The following COQ8A variants were observed in gnomAD, a reference collection of about 807,000 sequenced individuals.
COQ8A encodes the protein atypical kinase COQ8A, mitochondrial.
A neutral mutation model predicts 65.0 loss-of-function variants in COQ8A; 51 were observed. The ratio of observed to expected loss-of-function variants is 0.78; its 90% CI spans 0.63 to 0.99. COQ8A has a LOEUF of 0.99. Among genes scored for constraint, COQ8A ranks in the 50% least tolerant of loss-of-function variants. The pLI is 0.00. For missense variants in COQ8A, 940 were observed against 875.0 expected, an observed-to-expected ratio of 1.07 and a Z score of -0.94; for synonymous variants, 371 against 353.2, an observed-to-expected ratio of 1.05 and a Z score of -0.57.
In COQ8A at chr1:226,985,269, GC is replaced by G; in HGVS notation, c.1590del (p.Asp531ThrfsTer12). On this transcript the variant is annotated frameshift_variant, in exon 14 of 15. Coordinates refer to ENST00000366777, the MANE Select transcript of COQ8A (RefSeq NM_020247.5). LOFTEE classifies it high-confidence loss of function. ...CTCTCCCCAGATCATCAGGGCTGCTGCCGACAGGGACAGGGAGACTGTGCGG... is the reference window on the plus strand; with the variant it reads ...CTCTCCCCAGATCATCAGGGCTGCTGCGACAGGGACAGGGAGACTGTGCGG... Reference protein sequence around the residue: ...DLYIQIIRAAADRDRETVRAK... With the variant: ...DLYIQIIRAAXDRDRETVRAK... 3 of 1,613,700 alleles carry G rather than the reference GC, an allele frequency of 1.9e-6. No individual in the cohort carries two copies. The South Asian group carries it at 3.3e-5, about 18-fold the overall frequency.
At chr1:226,953,780 GC>G (rs1174586867) in intron 1 of COQ8A, among the ~76,000 whole-genome samples, 2 of 152,202 alleles carry the variant, frequency 1.3e-5, no homozygotes, top group Non-Finnish European at 2.9e-5. Flanking sequence ...CGAGATAGAA[GC>G]CGGGAGTTGC....
intron 5 of COQ8A, among the ~76,000 whole-genome samples, chr1:226,980,706 C>T (rs752352087): frequency 4.9e-4 from 74 of 152,374 alleles, no homozygotes; most frequent in African/African-American, 1.7e-3. Flanking sequence ...GCTAACATCT[C>T]CCACCTTCAC....
intron 4 of COQ8A, chr1:226,974,912 G>A (rs1356341508): frequency 2.0e-5 from 3 of 152,896 alleles, no homozygotes; most frequent in Non-Finnish European, 4.4e-5. Context: ...CTGATGGAGG[G>A]TGATGAGGGG....
chr1:226,962,517 G>A lies in COQ8A; in HGVS notation c.177+955G>A, dbSNP rs144755225. Among the ~76,000 whole-genome samples the A allele has an allele frequency of 2.0e-3, 299 of 152,328 alleles. 3 individuals carry two copies. The highest frequency in any genetic ancestry group is 6.7e-3 in the African/African-American group (278 of 41,568). On this transcript the variant is annotated intron_variant, in intron 2 of 14. Transcript: ENST00000366777. The stretch of plus-strand genomic sequence containing the variant: ...GGGGGTGTTTGTGTGCCTGTTGCGC[G>A]TGTGCACCTGTGTGTGTGCGCTTAG...
intron 1 of COQ8A, among the ~76,000 whole-genome samples, chr1:226,944,777 G>C (rs554050568): frequency 8.6e-6 from 1 of 116,718 alleles, no homozygotes. Flanking sequence ...GAGAGAGAGA[G>C]TGAGAGAGAG....
chr1:226,973,852 G>A lies in COQ8A; in HGVS notation c.656-3597G>A, dbSNP rs371053460. 2.5e-4 allele frequency among the ~76,000 whole-genome samples: 38 copies of A among 152,336 alleles called. 2 individuals carry two copies. In the South Asian group the frequency reaches 7.7e-3, roughly 31 times the overall value. On this transcript the variant is annotated intron_variant, in intron 4 of 14. Transcript: ENST00000366777. ...CAGTAAAAGCTGGGCTTAGCGCAGC[G>A]CCTGGTTTATAGTTTGCTGCTGTTT... is the stretch of plus-strand genomic sequence containing the variant.
At chr1:226,964,062 G>A (rs578186478) in intron 2 of COQ8A, among the ~76,000 whole-genome samples, 2 of 152,324 alleles carry the variant, frequency 1.3e-5, no homozygotes, top group East Asian at 3.9e-4. Context: ...GTAACAGCCT[G>A]TCTCTCTCCT....
rs1256698126 is a variant in COQ8A at position 226,984,124 on chromosome 1, T to C, written c.1287T>C (p.Tyr429=). 8 of 1,613,762 alleles carry C rather than the reference T, an allele frequency of 5.0e-6. No individual in the cohort carries two copies. The East Asian group carries it at 6.7e-5, about 13-fold the overall frequency. ...TGCTGAAGGGCCACCCCTTCTTCTA[T>C]GTGCCTGAGATTGTGGATGAGCTCT... is the stretch of plus-strand genomic sequence containing the variant. ...RDLLKGHPFF[Y]VPEIVDELCS... The change falls in exon 11 of 15, where the codon TAT becomes TAC. Residue 429 remains tyrosine (Y), a synonymous_variant. Coordinates refer to ENST00000366777, the MANE Select transcript of COQ8A (RefSeq NM_020247.5).
intron 1 of COQ8A, among the ~76,000 whole-genome samples, chr1:226,959,111 G>A (rs1657992822): frequency 6.6e-6 from 1 of 152,190 alleles, no homozygotes; most frequent in Non-Finnish European, 1.5e-5. Flanking sequence ...TGGGATTGTG[G>A]TGCATTAGAA....
chr1:226,959,141 GT>G (rs771298818), intron 1 of COQ8A, among the ~76,000 whole-genome samples: 3 of 152,190 alleles, frequency 2.0e-5, no homozygotes, highest in Non-Finnish European at 2.9e-5. Context: ...TAAGACCTAA[GT>G]TTTGAAAACA....
rs763946931 is a variant in COQ8A at position 226,982,020 on chromosome 1, C to T, written c.731-7C>T. The T allele has an allele frequency of 1.9e-6, 3 of 1,612,918 alleles. No homozygotes were observed. In the South Asian group the frequency reaches 3.3e-5, roughly 18 times the overall value. On this transcript the variant is annotated splice_polypyrimidine_tract_variant and splice_region_variant and intron_variant, in intron 5 of 14. Transcript: ENST00000366777. ...GTGCCGTGGTGACCCCTCTTGCCCG[C>T]CCACAGGGAAGAAGGCCGTGCTGGG...
At chr1:226,945,421 C>A (rs1656977523) in intron 1 of COQ8A, among the ~76,000 whole-genome samples, 1 of 152,228 alleles carries the variant, frequency 6.6e-6, no homozygotes, top group African/African-American at 2.4e-5. Context: ...AGCTCAGAGC[C>A]TGGGCCCCAG....
At chr1:226,952,575 G>T (rs1373303618) in intron 1 of COQ8A, among the ~76,000 whole-genome samples, 1 of 151,918 alleles carries the variant, frequency 6.6e-6, no homozygotes, top group Admixed American at 6.6e-5. Flanking sequence ...CACCACGCCT[G>T]GCTAATTTTT....
At chr1:226,982,187 G>A in intron 6 of COQ8A, 38 bp downstream of exon 6, 1 of 1,544,844 alleles carries the variant, frequency 6.5e-7, no homozygotes. Flanking sequence ...GGGACTGCGT[G>A]GGCTGCTGGG....
chr1:226,979,109 G>A (rs1340401992), intron 5 of COQ8A, among the ~76,000 whole-genome samples: 11 of 152,242 alleles, frequency 7.2e-5, no homozygotes, highest in Non-Finnish European at 1.5e-4. Context: ...AGTAACCTGG[G>A]GAGGCTGTAG....
intron 1 of COQ8A, among the ~76,000 whole-genome samples, chr1:226,942,768 A>T (rs1029755491): frequency 6.6e-6 from 1 of 152,158 alleles, no homozygotes. Context: ...TTGAAGCATC[A>T]GTGTCAAGGT....
chr1:226,982,873 C>A, intron 7 of COQ8A, 21 bp from the exon 8 acceptor site: 1 of 1,612,674 alleles, frequency 6.2e-7, no homozygotes, highest in Non-Finnish European at 8.5e-7. Context: ...CTCAGAGCCC[C>A]TCCCTGGCCC....
intron 1 of COQ8A, among the ~76,000 whole-genome samples, chr1:226,958,695 C>T (rs1413894597): frequency 1.3e-5 from 2 of 152,196 alleles, no homozygotes; most frequent in Admixed American, 6.5e-5. Context: ...ACCTGTCTCC[C>T]ACCCCCACTG....
At position 226,949,762 on chromosome 1, in the gene COQ8A, A is replaced by C. The variant is rs111497359; in HGVS notation, c.-10+9363A>C. On this transcript the variant is annotated intron_variant, in intron 1 of 14. Coordinates refer to ENST00000366777, the MANE Select transcript of COQ8A (RefSeq NM_020247.5). The surrounding 1 kb of genome is among the most constrained non-coding windows in gnomAD (Gnocchi z 4.0). ...CTGTGTGCTTGCAATACTACTACTA[A>C]TAATAATGGCATTAGCTAATGGTTT... Among the ~76,000 whole-genome samples the C allele has an allele frequency of 3.3e-5, 5 of 152,156 alleles. No homozygotes were observed. The highest frequency in any genetic ancestry group is 6.5e-5 in the Admixed American group (1 of 15,280).
Sources: allele counts gnomAD v4.1 joint callset (sites outside exome capture counted in the v4.1 genomes callset), GRCh38; gene constraint gnomAD v4.1.1; non-coding constraint Gnocchi (gnomAD v3.1); transcripts MANE v1.5; gene names NCBI Gene and HGNC (gene_info 2026-07-23, HGNC 2026-07-21).